Variants in PLA2G4E observed in about 807,000 individuals in gnomAD.
The protein encoded by PLA2G4E is phospholipase A2 group IVE.
Under a neutral mutation model 109.1 loss-of-function variants are expected in PLA2G4E, and 84 were observed. The observed-to-expected ratio is 0.77, with a 90% CI of 0.65 to 0.92. PLA2G4E has a LOEUF of 0.92. Ranked by LOEUF, PLA2G4E falls within the 40% of genes least tolerant of loss-of-function variation. PLA2G4E has a pLI of 0.00. For missense variants in PLA2G4E, 1,057 were observed against 1,076.6 expected (o/e 0.98, Z 0.25); for synonymous variants, 469 against 436.1 (o/e 1.08, Z -0.94).
chr15:41,996,350 G>GAAAAAAAAAAAAAAAA (rs34559872), intron 11 of PLA2G4E, among the ~76,000 whole-genome samples: 2 of 75,108 alleles, frequency 2.7e-5, no homozygotes, highest in Non-Finnish European at 4.7e-5. Context: ...CCTGTCTCAA[G>GAAAAAAAAAAAAAAAA]AAAAAAAAAA....
At chr15:42,019,084 G>A (rs2068623579) in intron 1 of PLA2G4E, among the ~76,000 whole-genome samples, 1 of 152,220 alleles carries the variant, frequency 6.6e-6, no homozygotes, top group South Asian at 2.1e-4. Flanking sequence ...ATCTCAAACA[G>A]GCTTACACTG....
intron 14 of PLA2G4E, 93 bp from the exon 15 acceptor site, chr15:41,989,645 G>A: frequency 6.8e-7 from 1 of 1,480,582 alleles, no homozygotes. Context: ...ACTGGCTCAG[G>A]CCTTGGAAAG....
At chr15:41,989,577 G>T in intron 14 of PLA2G4E, 25 bp from the exon 15 acceptor site, 1 of 1,606,566 alleles carries the variant, frequency 6.2e-7, no homozygotes, top group East Asian at 2.2e-5. Flanking sequence ...GCAGGACGGG[G>T]GTCAGTCTCA....
At chr15:42,021,574 C>T (rs1042389036) in intron 1 of PLA2G4E, among the ~76,000 whole-genome samples, 1 of 151,948 alleles carries the variant, frequency 6.6e-6, no homozygotes, top group Non-Finnish European at 1.5e-5. Flanking sequence ...AAAATAATTG[C>T]CCAATACTTC....
At chr15:42,017,236 T>C (rs1167998091) in intron 1 of PLA2G4E, among the ~76,000 whole-genome samples, 1 of 152,186 alleles carries the variant, frequency 6.6e-6, no homozygotes, top group Non-Finnish European at 1.5e-5. Flanking sequence ...TGGCCCAGCC[T>C]GCCTCCTTCA....
At chr15:42,034,431 G>GA (rs1376546646) in intron 1 of PLA2G4E, among the ~76,000 whole-genome samples, 3 of 152,192 alleles carry the variant, frequency 2.0e-5, no homozygotes, top group African/African-American at 7.2e-5. Flanking sequence ...CTGTATGTGG[G>GA]ATGCTGGTAT....
At chr15:42,000,343 G>A (rs1217686959) in intron 7 of PLA2G4E, 61 bp from the exon 8 acceptor site, 1 of 1,459,248 alleles carries the variant, frequency 6.9e-7, no homozygotes. Flanking sequence ...CTGCAACTTG[G>A]TCCAGCAAAA....
rs531631220 is a variant in PLA2G4E, at chr15:42,036,290, A to C, written c.183+14231T>G. Among the ~76,000 whole-genome samples the C allele has an allele frequency of 5.3e-5, 8 of 152,234 alleles. 1 individual carries two copies. In the South Asian group the frequency reaches 1.7e-3, roughly 32 times the overall value. On this transcript the variant is annotated intron_variant, in intron 1 of 19. Transcript: ENST00000399518. ...TCGCCCGCTGGCAGAGGAGCAGCGC[A>C]GCTGGGGAGCAGCGCGACTGGGGAG...
chr15:42,029,707 A>T (rs1377616990), intron 1 of PLA2G4E, among the ~76,000 whole-genome samples: 1 of 152,190 alleles, frequency 6.6e-6, no homozygotes, highest in Non-Finnish European at 1.5e-5. Context: ...TTATCCCTCT[A>T]AGCCTGAGCT....
At chr15:42,033,482 GC>G (rs752402044) in intron 1 of PLA2G4E, among the ~76,000 whole-genome samples, 4 of 150,998 alleles carry the variant, frequency 2.6e-5, no homozygotes, top group Non-Finnish European at 5.9e-5. Flanking sequence ...GCCCTGCCCA[GC>G]CTCTGCACTC....
intron 13 of PLA2G4E, 84 bp from the exon 14 acceptor site, chr15:41,990,319 C>A: frequency 4.9e-6 from 6 of 1,214,640 alleles, no homozygotes; most frequent in Non-Finnish European, 7.1e-6. Flanking sequence ...AATCTGGACC[C>A]CCGCAGCCAC....
chr15:41,987,368 C>T (rs2141022375), exon 17 of PLA2G4E: 1 of 1,613,290 alleles, frequency 6.2e-7, no homozygotes, highest in Non-Finnish European at 8.5e-7. Context: ...GCAGGATCGG[C>T]TCGTCTTCTG....
intron 16 of PLA2G4E, among the ~76,000 whole-genome samples, chr15:41,987,786 G>A (rs946501348): frequency 1.3e-5 from 2 of 152,106 alleles, no homozygotes; most frequent in Admixed American, 6.5e-5. Context: ...GCCCTCCCAC[G>A]TCTTAGGCCA....
chr15:42,004,100 C>T (rs915472119), intron 5 of PLA2G4E, among the ~76,000 whole-genome samples: 1 of 152,080 alleles, frequency 6.6e-6, no homozygotes, highest in East Asian at 1.9e-4. Context: ...CACCTGAGGT[C>T]AGGAGTTTGA....
intron 1 of PLA2G4E, among the ~76,000 whole-genome samples, chr15:42,019,476 A>T (rs2068627371): frequency 6.6e-6 from 1 of 152,072 alleles, no homozygotes; most frequent in Non-Finnish European, 1.5e-5. Context: ...GAGCCTGGAG[A>T]GAGGGGAAGA....
At chr15:42,012,219 G>C (rs549292922) in intron 2 of PLA2G4E, among the ~76,000 whole-genome samples, 9 of 152,156 alleles carry the variant, frequency 5.9e-5, no homozygotes, top group Non-Finnish European at 1.0e-4. Flanking sequence ...CAGACTCTCC[G>C]CACCTGCACT....
chr15:42,016,007 C>A (rs1424381838), intron 1 of PLA2G4E, among the ~76,000 whole-genome samples: 2 of 152,146 alleles, frequency 1.3e-5, no homozygotes, highest in African/African-American at 4.8e-5. Flanking sequence ...CCTGAGCTCA[C>A]GGTAAATGCC....
At chr15:42,011,080 TGG>T (rs1485833192) in intron 2 of PLA2G4E, among the ~76,000 whole-genome samples, 1 of 152,184 alleles carries the variant, frequency 6.6e-6, no homozygotes, top group African/African-American at 2.4e-5. Context: ...CAGACATGAC[TGG>T]GGTTGGCACC....
At chr15:42,035,530 G>C (rs1889198713) in intron 1 of PLA2G4E, among the ~76,000 whole-genome samples, 1 of 152,250 alleles carries the variant, frequency 6.6e-6, no homozygotes, top group Non-Finnish European at 1.5e-5. Context: ...GGAAGGGAAA[G>C]GCAGGCAGGA....
Sources: allele counts gnomAD v4.1 joint callset (sites outside exome capture counted in the v4.1 genomes callset), GRCh38; gene constraint gnomAD v4.1.1; transcripts MANE v1.5; gene names NCBI Gene and HGNC (gene_info 2026-07-23, HGNC 2026-07-21).